Variants in ZNF106 observed in about 807,000 individuals in gnomAD.
ZNF106 encodes the protein zinc finger protein 106, also known as SH3-domain binding protein 3.
In ZNF106, 67 loss-of-function variants were observed where a neutral mutation model predicts 195.1. That is an observed-to-expected ratio of 0.34 (90% confidence interval 0.28 to 0.42). The LOEUF is 0.42. Ranked by LOEUF, ZNF106 falls within the 10% of genes least tolerant of loss-of-function variation. The probability of loss-of-function intolerance (pLI) is 1.00; values close to 1 mark genes in which losing one functional copy is unlikely to be tolerated. For missense variants in ZNF106, 2,118 were observed against 2,304.5 expected (o/e 0.92, Z 1.66); for synonymous variants, 784 against 818.6 (o/e 0.96, Z 0.72).
chr15:42,478,166 ATTTAT>A (rs1386476707), intron 1 of ZNF106, among the ~76,000 whole-genome samples: 2 of 151,566 alleles, frequency 1.3e-5, no homozygotes, highest in African/African-American at 4.8e-5. Context: ...ATACATTGTT[ATTTAT>A]TTTATTTTTT....
At chr15:42,485,954 CTCTT>C (rs1211380375) in intron 1 of ZNF106, among the ~76,000 whole-genome samples, 3 of 146,858 alleles carry the variant, frequency 2.0e-5, no homozygotes, top group South Asian at 2.1e-4. Flanking sequence ...GTTTTTATTA[CTCTT>C]TCTTTTTTTT....
chr15:42,433,395 G>A lies in ZNF106; in HGVS notation c.4881+1989C>T, dbSNP rs572616796. Among the ~76,000 whole-genome samples, 9 of 151,986 alleles carry A rather than the reference G, an allele frequency of 5.9e-5. 1 individual carries two copies. Among genetic ancestry groups the A allele is most frequent in the South Asian group, 4.2e-4 (2 of 4,800 alleles). On this transcript the variant is annotated intron_variant, in intron 14 of 21. Coordinates refer to ENST00000564754, the MANE Select transcript of ZNF106 (RefSeq NM_001366845.3). ...GCTGGGATTACAGGCGTGAGCCACC[G>A]CGCCCAGCCTTAAGTATATTTTTAG...
rs1268296366 is a variant in ZNF106, at chr15:42,444,271, A to T, written c.3361-9T>A. 6.2e-7 allele frequency: 1 copy of T among 1,601,482 alleles called. No individual in the cohort carries two copies. The highest frequency in any genetic ancestry group is 8.5e-7 in the Non-Finnish European group (1 of 1,170,544). On this transcript the variant is annotated splice_polypyrimidine_tract_variant and intron_variant, in intron 8 of 21. Coordinates refer to ENST00000564754, the MANE Select transcript of ZNF106 (RefSeq NM_001366845.3). ...CTCATCTCCATAGTTATCTAAAAATAAAGTATTTTATTAAGCATTTTGAAA... is the reference window on the plus strand; with the variant it reads ...CTCATCTCCATAGTTATCTAAAAATTAAGTATTTTATTAAGCATTTTGAAA...
At chr15:42,420,803 A>AG (rs953872543) in intron 20 of ZNF106, among the ~76,000 whole-genome samples, 1 of 152,196 alleles carries the variant, frequency 6.6e-6, no homozygotes, top group African/African-American at 2.4e-5. Flanking sequence ...GCGGGAGTAG[A>AG]GGGGGCAGTG....
chr15:42,490,097 G>A (rs1433546218), intron 1 of ZNF106, among the ~76,000 whole-genome samples: 2 of 151,926 alleles, frequency 1.3e-5, no homozygotes, highest in Non-Finnish European at 2.9e-5. Context: ...AGGTATGGTG[G>A]TGGGTGCCTG....
Position 42,439,424 on chromosome 15 carries a change from G to A in ZNF106, c.4153C>T (p.Arg1385Trp), listed in dbSNP as rs151242458. 562 of 1,614,002 alleles carry A rather than the reference G, an allele frequency of 3.5e-4. 1 individual carries two copies. The highest frequency in any genetic ancestry group is 5.3e-4 in the East Asian group (24 of 44,890). Residue 1385 changes from arginine (R) to tryptophan (W), a missense_variant, in exon 11 of 22, where the codon CGG (arginine) becomes TGG (tryptophan). Coordinates refer to ENST00000564754, the MANE Select transcript of ZNF106 (RefSeq NM_001366845.3). ...CTATTCTCAGGAACATGGGCAGCCC[G>A]TAGACTTTTCTTCTTCCGGAGTTTC... The part of the protein sequence containing the change: ...KKKLRKKKSL[R>W]AAHVPENSDT...
chr15:42,444,618 C>G (rs181005073), intron 8 of ZNF106, among the ~76,000 whole-genome samples: 3 of 152,306 alleles, frequency 2.0e-5, no homozygotes, highest in Admixed American at 1.3e-4. Context: ...AGTAAGCTCT[C>G]CTAATAAATG....
At chr15:42,427,722 T>C (rs151264355) in intron 15 of ZNF106, 51 of 219,122 alleles carry the variant, frequency 2.3e-4, no homozygotes, top group African/African-American at 1.1e-3. Context: ...TATGATGTCA[T>C]TCTTAAATTG....
At chr15:42,465,844 T>C (rs779624541) in intron 3 of ZNF106, among the ~76,000 whole-genome samples, 2 of 152,220 alleles carry the variant, frequency 1.3e-5, no homozygotes, top group Non-Finnish European at 2.9e-5. Context: ...CTGCTGTGAA[T>C]TCACACATTT....
intron 4 of ZNF106, among the ~76,000 whole-genome samples, chr15:42,454,101 A>T (rs2056145231): frequency 6.6e-6 from 1 of 152,106 alleles, no homozygotes; most frequent in African/African-American, 2.4e-5. Flanking sequence ...TTGACTTAAA[A>T]ATCTTAAACT....
chr15:42,458,721 A>G (rs1168949836), intron 3 of ZNF106, among the ~76,000 whole-genome samples: 2 of 145,564 alleles, frequency 1.4e-5, no homozygotes, highest in African/African-American at 5.0e-5. Context: ...AAAACAAAAG[A>G]AAAAAAAAAA....
chr15:42,481,357 GTTTTT>G (rs751618549), intron 1 of ZNF106, among the ~76,000 whole-genome samples: 6 of 109,160 alleles, frequency 5.5e-5, no homozygotes, highest in South Asian at 2.9e-4. Flanking sequence ...TTTTTTTGTT[GTTTTT>G]TTTTTTTTTT....
At chr15:42,472,798 T>A (rs2056705010) in intron 1 of ZNF106, among the ~76,000 whole-genome samples, 1 of 151,982 alleles carries the variant, frequency 6.6e-6, no homozygotes, top group Non-Finnish European at 1.5e-5. Context: ...GATCACGAGG[T>A]CAGGAGTTAG....
Position 42,435,495 on chromosome 15 carries a change from A to C in ZNF106, c.4770T>G (p.Phe1590Leu), listed in dbSNP as rs747137855. The part of the protein sequence containing the change: ...NLVSRKCIGV[F>L]EGHTSKVNCL... Reference sequence around the variant, plus strand: ...AGTTAACTTTGGAGGTATGACCCTCAAAGACACCAATACATTTCCGACTCT... The same window carrying C: ...AGTTAACTTTGGAGGTATGACCCTCCAAGACACCAATACATTTCCGACTCT... The change falls in exon 14 of 22, where the codon TTT becomes TTG. Residue 1590 changes from phenylalanine (F) to leucine (L), a missense_variant. Transcript: ENST00000564754. 25 of 1,614,106 alleles carry C rather than the reference A, an allele frequency of 1.5e-5. No individual in the cohort carries two copies.
rs2055316122 is a variant in ZNF106, at chr15:42,437,287, C to A, written c.4691G>T (p.Gly1564Val). ...TGCTGAACAGGTATATAGCAAGTTC[C>A]CAAATATCTGAATTGCATTTACGGC... ...QAAVNAIQIF[G>V]NLLYTCSADK... Residue 1564 changes from glycine to valine, a missense_variant, in exon 13 of 22, where the codon GGG becomes GTG. Coordinates refer to ENST00000564754, the MANE Select transcript of ZNF106 (RefSeq NM_001366845.3). 1 of 1,614,092 alleles carries A rather than the reference C, an allele frequency of 6.2e-7. No individual in the cohort carries two copies. Among genetic ancestry groups the A allele is most frequent in the East Asian group, 2.2e-5 (1 of 44,874 alleles).
rs1298443549 is a variant in ZNF106 at position 42,465,987 on chromosome 15, A to T, written c.116+66T>A. The T allele has an allele frequency of 7.6e-6, 10 of 1,310,572 alleles. No homozygotes were observed. The Admixed American group carries it at 2.4e-4, about 31-fold the overall frequency. 81.2% of individuals were successfully genotyped at this position (1,310,572 alleles called of 1,614,324 possible). On this transcript the variant is annotated intron_variant, in intron 3 of 21. Coordinates refer to ENST00000564754, the MANE Select transcript of ZNF106 (RefSeq NM_001366845.3). ...TGACGGATTACTGCAAAACAAACTG[A>T]CAGGCACCATCATCACTCAGATCCA...
At chr15:42,486,119 C>G (rs1177309333) in intron 1 of ZNF106, among the ~76,000 whole-genome samples, 2 of 151,804 alleles carry the variant, frequency 1.3e-5, no homozygotes, top group East Asian at 3.9e-4. Flanking sequence ...ACCACCACAC[C>G]CAGCTAACTT....
At chr15:42,487,104 C>T (rs772904292) in intron 1 of ZNF106, among the ~76,000 whole-genome samples, 1 of 151,820 alleles carries the variant, frequency 6.6e-6, no homozygotes, top group African/African-American at 2.4e-5. Context: ...GAGCAGAGAT[C>T]GTGCCATCGC....
chr15:42,459,459 G>A (rs1157441846), intron 3 of ZNF106, among the ~76,000 whole-genome samples: 4 of 152,200 alleles, frequency 2.6e-5, no homozygotes, highest in South Asian at 2.1e-4. Context: ...CTGGGCAACA[G>A]AGTGAGACTC....
Sources: gnomAD v4.1 joint callset for allele counts (sites outside exome capture counted in the v4.1 genomes callset) on GRCh38, gnomAD v4.1.1 for gene constraint, MANE v1.5 for transcripts, NCBI Gene and HGNC (gene_info 2026-07-23, HGNC 2026-07-21) for gene names.